SIK2: variants seen among roughly 807,000 people sequenced by gnomAD.
SIK2 encodes the protein salt inducible kinase 2, also known as serine/threonine-protein kinase SIK2.
In SIK2, 29 loss-of-function variants were observed where a neutral mutation model predicts 103.2. The observed-to-expected ratio is 0.28, with a 90% CI of 0.21 to 0.38. The LOEUF is 0.38. Among genes scored for constraint, SIK2 ranks in the 10% least tolerant of loss-of-function variants. SIK2 has a pLI of 1.00. For synonymous variants in SIK2, 412 were observed against 446.1 expected (o/e 0.92, Z 0.96); for missense variants, 879 against 1,171.0 (o/e 0.75, Z 3.64).
rs1209673998 is a variant in SIK2 at position 111,602,511 on chromosome 11, A to C, written c.-53A>C. ...TCGCCCAAGCCAAGCCGCGCTGCCA[A>C]CCCTCCCGCCCGCCCGCGCTCCTGT... On this transcript the variant is annotated 5_prime_UTR_variant, in exon 1 of 15. Transcript: ENST00000304987. The surrounding 1 kb of genome is among the most constrained non-coding windows in gnomAD (Gnocchi z 4.5). 3 of 1,417,186 alleles carry C rather than the reference A, an allele frequency of 2.1e-6. No homozygotes were observed. The highest frequency in any genetic ancestry group is 5.8e-5 in the Admixed American group (2 of 34,390). 87.8% of individuals were successfully genotyped at this position (1,417,186 alleles called of 1,614,324 possible).
At chr11:111,612,945 T>A in intron 1 of SIK2, among the ~76,000 whole-genome samples, 1 of 146,712 alleles carries the variant, frequency 6.8e-6, no homozygotes, top group Non-Finnish European at 1.5e-5. Context: ...TATATATATA[T>A]ATTTATGATC....
intron 3 of SIK2, among the ~76,000 whole-genome samples, chr11:111,652,597 C>T (rs891311102): frequency 1.3e-5 from 2 of 152,060 alleles, no homozygotes; most frequent in Non-Finnish European, 2.9e-5. Context: ...GAAACAAAAC[C>T]AACTAGATTC....
intron 3 of SIK2, among the ~76,000 whole-genome samples, chr11:111,662,425 G>A (rs549135395): frequency 6.6e-6 from 1 of 152,324 alleles, no homozygotes; most frequent in East Asian, 1.9e-4. Flanking sequence ...AAAATGGCAA[G>A]TGGTGAAGAG....
In SIK2 at chr11:111,723,879, TCTC is replaced by T. The variant is rs777400912; in HGVS notation, c.2534_2536del (p.Ser845del). On this transcript the variant is annotated inframe_deletion, in exon 15 of 15. Coordinates refer to ENST00000304987, the MANE Select transcript of SIK2 (RefSeq NM_015191.3). The stretch of plus-strand genomic sequence containing the variant: ...GGAGCTGCCCCAGCCCCCTTACAGT[TCTC>T]CTATCAGACTTGTGAGCTGCCAAGC... 913 of 1,613,492 alleles carry T rather than the reference TCTC, an allele frequency of 5.7e-4. No homozygotes were observed. Among genetic ancestry groups the T allele is most frequent in the Non-Finnish European group, 7.4e-4 (868 of 1,179,788 alleles).
At chr11:111,647,925 T>A (rs1320617776) in intron 3 of SIK2, among the ~76,000 whole-genome samples, 1 of 152,122 alleles carries the variant, frequency 6.6e-6, no homozygotes, top group Non-Finnish European at 1.5e-5. Context: ...TTTTTACTTT[T>A]TTTCTATTTA....
intron 3 of SIK2, among the ~76,000 whole-genome samples, chr11:111,646,656 G>C (rs1942261615): frequency 6.6e-6 from 1 of 152,052 alleles, no homozygotes; most frequent in African/African-American, 2.4e-5. Context: ...TGTCACTACA[G>C]CTGTACATAG....
intron 3 of SIK2, among the ~76,000 whole-genome samples, chr11:111,665,462 T>C (rs1028841236): frequency 1.3e-5 from 2 of 151,884 alleles, no homozygotes; most frequent in African/African-American, 2.4e-5. Context: ...GTGACCGTGA[T>C]TGCGTCACTG....
chr11:111,678,920 G>T (rs1248429816), intron 3 of SIK2, among the ~76,000 whole-genome samples: 1 of 152,154 alleles, frequency 6.6e-6, no homozygotes, highest in Non-Finnish European at 1.5e-5. Flanking sequence ...AAAATTTGGG[G>T]TTTTTTACTG....
chr11:111,660,231 G>T (rs1487968620), intron 3 of SIK2, among the ~76,000 whole-genome samples: 2 of 152,162 alleles, frequency 1.3e-5, no homozygotes, highest in African/African-American at 4.8e-5. Flanking sequence ...GTGAAGTTGG[G>T]ATTGAGGTCA....
chr11:111,630,816 T>TA (rs1299290646), intron 3 of SIK2, among the ~76,000 whole-genome samples: 10 of 152,148 alleles, frequency 6.6e-5, no homozygotes, highest in Non-Finnish European at 2.9e-5. Context: ...TTCAAGAGGT[T>TA]AAGGATGCAT....
intron 9 of SIK2, among the ~76,000 whole-genome samples, chr11:111,719,553 G>T (rs1279230422): frequency 1.3e-5 from 2 of 152,196 alleles, no homozygotes; most frequent in Non-Finnish European, 2.9e-5. Context: ...CTGGGCAGCA[G>T]TGCCAGTTTG....
intron 3 of SIK2, among the ~76,000 whole-genome samples, chr11:111,634,081 G>A (rs1235279783): frequency 6.6e-6 from 1 of 152,130 alleles, no homozygotes; most frequent in African/African-American, 2.4e-5. Context: ...CCGGCAGTTA[G>A]CAGATTCTGG....
At position 111,688,355 on chromosome 11, in the gene SIK2, C is replaced by T. The variant is rs1337855281; in HGVS notation, c.478+193C>T. 6.6e-6 allele frequency among the ~76,000 whole-genome samples: 1 copy of T among 152,166 alleles called. No homozygotes were observed. The highest frequency in any genetic ancestry group is 2.4e-5 in the African/African-American group (1 of 41,420). Reference sequence around the variant, plus strand: ...AGGGAATGAGTTCATTATTAATATACACAGGTCAGAGCTACATCTGGGGTC... The same window carrying T: ...AGGGAATGAGTTCATTATTAATATATACAGGTCAGAGCTACATCTGGGGTC... On this transcript the variant is annotated intron_variant, in intron 4 of 14. Transcript: ENST00000304987. The surrounding 1 kb of genome is among the most constrained non-coding windows in gnomAD (Gnocchi z 4.2).
At position 111,681,299 on chromosome 11, in the gene SIK2, T is replaced by C. The variant is rs73560683; in HGVS notation, c.317-6702T>C. 9.5e-3 allele frequency among the ~76,000 whole-genome samples: 1,452 copies of C among 152,288 alleles called. 33 individuals carry two copies. The highest frequency in any genetic ancestry group is 0.033 in the African/African-American group (1,365 of 41,546). On this transcript the variant is annotated intron_variant, in intron 3 of 14. Transcript: ENST00000304987. ...TTTTTATTAGACTTTCAGTAGGGTC[T>C]GTGAGCAGAAGGCCCAAGGCCAGAC... is the stretch of plus-strand genomic sequence containing the variant.
At chr11:111,648,105 AAAAGAAAAAAT>A (rs1019820121) in intron 3 of SIK2, among the ~76,000 whole-genome samples, 10 of 152,122 alleles carry the variant, frequency 6.6e-5, no homozygotes, top group East Asian at 1.9e-4. Context: ...TGCAGTCAAA[AAAAGAAAAAAT>A]AAAGAAAAAA....
chr11:111,615,011 C>T (rs146169031), intron 1 of SIK2, among the ~76,000 whole-genome samples: 1 of 152,030 alleles, frequency 6.6e-6, no homozygotes, highest in Non-Finnish European at 1.5e-5. Flanking sequence ...TGGTGGCACA[C>T]ACCTGTAATC....
chr11:111,722,157 C>T lies in SIK2; in HGVS notation c.2055+217C>T, dbSNP rs1943821581. 6.6e-6 allele frequency among the ~76,000 whole-genome samples: 1 copy of T among 152,134 alleles called. No individual in the cohort carries two copies. The highest frequency in any genetic ancestry group is 1.5e-5 in the Non-Finnish European group (1 of 68,030). On this transcript the variant is annotated intron_variant, in intron 13 of 14. Transcript: ENST00000304987. The surrounding 1 kb of genome is among the most constrained non-coding windows in gnomAD (Gnocchi z 4.4). ...TGGGAAAGGCTTTGTCCTCAAGCCC[C>T]ACGAAAGGATATGCCACTGAGGGGT... is the stretch of plus-strand genomic sequence containing the variant.
In SIK2 at chr11:111,683,852, T is replaced by C. The variant is rs115101960; in HGVS notation, c.317-4149T>C. ...GCTTGGATTGTGTTCCTTGAAGGGG[T>C]TGATGTATGCCTAAACAAATTTTAT... On this transcript the variant is annotated intron_variant, in intron 3 of 14. Transcript: ENST00000304987. Among the ~76,000 whole-genome samples the C allele has an allele frequency of 2.1e-3, 316 of 152,286 alleles. 1 individual carries two copies. Among genetic ancestry groups the C allele is most frequent in the African/African-American group, 7.1e-3 (295 of 41,554 alleles).
chr11:111,712,339 T>G lies in SIK2; in HGVS notation c.1230T>G (p.Ala410=). 1 of 1,614,190 alleles carries G rather than the reference T, an allele frequency of 6.2e-7. No homozygotes were observed. The highest frequency in any genetic ancestry group is 1.3e-5 in the African/African-American group (1 of 75,050). ...CAGCATCTGGCTGTCAGGCGGAAGC[T>G]GCATTCATGGAAGAAGAGTGTGTGG... ...SFPASGCQAE[A]AFMEEECVDT... Residue 410 remains alanine, a synonymous_variant, in exon 9 of 15, where the codon GCT becomes GCG. Transcript: ENST00000304987.
Sources: allele counts gnomAD v4.1 joint callset (sites outside exome capture counted in the v4.1 genomes callset), GRCh38; gene constraint gnomAD v4.1.1; non-coding constraint Gnocchi (gnomAD v3.1); transcripts MANE v1.5; gene names NCBI Gene and HGNC (gene_info 2026-07-23, HGNC 2026-07-21).